Variants in PALLD observed in about 807,000 individuals in gnomAD.
The protein encoded by PALLD is palladin, cytoskeletal associated protein.
Under a neutral mutation model 123.5 loss-of-function variants are expected in PALLD, and 61 were observed. The observed-to-expected ratio is 0.49, with a 90% CI of 0.40 to 0.61. The LOEUF is 0.61. PALLD is among the 20% of genes least tolerant of loss of function. PALLD has a pLI of 0.00. For synonymous variants in PALLD, 465 were observed against 496.4 expected, an observed-to-expected ratio of 0.94 and a Z score of 0.84; for missense variants, 1,273 against 1,377.0, an observed-to-expected ratio of 0.92 and a Z score of 1.20.
At chr4:168,624,748 T>C (rs1775076159) in intron 2 of PALLD, among the ~76,000 whole-genome samples, 1 of 152,120 alleles carries the variant, frequency 6.6e-6, no homozygotes, top group Admixed American at 6.5e-5. Flanking sequence ...ACACAAGGAA[T>C]ACACTGTAAT....
intron 8 of PALLD, among the ~76,000 whole-genome samples, chr4:168,707,240 A>G (rs1275041719): frequency 6.6e-6 from 1 of 152,228 alleles, no homozygotes; most frequent in Non-Finnish European, 1.5e-5. Context: ...TGAGTTAGCT[A>G]CTGCAATACA....
intron 10 of PALLD, among the ~76,000 whole-genome samples, chr4:168,874,649 A>AT (rs5863964): frequency 0.82 from 123,638 of 150,038 alleles, 51,070 homozygotes; most frequent in East Asian, 0.99. Context: ...ATAGCCACAG[A>AT]TTTTTTTTTT....
chr4:168,878,464 C>A, intron 10 of PALLD: 1 of 1,192,722 alleles, frequency 8.4e-7, no homozygotes, highest in Non-Finnish European at 1.1e-6. Context: ...TCCCACATCT[C>A]CATACACGCG....
intron 10 of PALLD, among the ~76,000 whole-genome samples, chr4:168,843,745 TA>T (rs1746391167): frequency 6.6e-6 from 1 of 151,830 alleles, no homozygotes; most frequent in African/African-American, 2.4e-5. Context: ...GCAAGCAGAG[TA>T]AAGAATCCAG....
chr4:168,509,531 T>C (rs1273108343), intron 1 of PALLD, among the ~76,000 whole-genome samples: 2 of 152,226 alleles, frequency 1.3e-5, no homozygotes, highest in African/African-American at 4.8e-5. Flanking sequence ...GAGCCATATC[T>C]GAATAACTGG....
intron 10 of PALLD, among the ~76,000 whole-genome samples, chr4:168,872,075 T>G (rs1275254545): frequency 6.6e-6 from 1 of 152,238 alleles, no homozygotes; most frequent in Admixed American, 6.5e-5. Flanking sequence ...CTCTCATTCC[T>G]ATTCTTCATG....
chr4:168,601,791 C>T (rs1366847125), intron 2 of PALLD, among the ~76,000 whole-genome samples: 1 of 152,108 alleles, frequency 6.6e-6, no homozygotes, highest in Non-Finnish European at 1.5e-5. Context: ...ATTTCAGGGG[C>T]TCCAGGGGCC....
chr4:168,897,427 C>T lies in PALLD; in HGVS notation c.2250+828C>T, dbSNP rs949987617. ...TTTAATATTAAATAGGGAATATTTA[C>T]ATAGACTCCCTTGTCTTCATTGCAC... On this transcript the variant is annotated intron_variant, in intron 13 of 21. Coordinates refer to ENST00000505667, the MANE Select transcript of PALLD (RefSeq NM_001166108.2). 1.1e-4 allele frequency among the ~76,000 whole-genome samples: 17 copies of T among 152,200 alleles called. No individual in the cohort carries two copies. The East Asian group carries it at 3.3e-3, about 29-fold the overall frequency.
chr4:168,750,924 C>T (rs1451029228), intron 10 of PALLD, among the ~76,000 whole-genome samples: 1 of 151,960 alleles, frequency 6.6e-6, no homozygotes, highest in East Asian at 1.9e-4. Context: ...TGGTTGGTAA[C>T]TGAAGGTAAC....
At chr4:168,518,291 C>G (rs1031161376) in intron 2 of PALLD, among the ~76,000 whole-genome samples, 4 of 152,168 alleles carry the variant, frequency 2.6e-5, no homozygotes, top group African/African-American at 9.7e-5. Flanking sequence ...TTTGCATTAC[C>G]TTCCAACCCA....
intron 10 of PALLD, among the ~76,000 whole-genome samples, chr4:168,880,940 T>C (rs1408357465): frequency 6.6e-6 from 1 of 152,202 alleles, no homozygotes; most frequent in African/African-American, 2.4e-5. Flanking sequence ...GACAGTCTTG[T>C]TCTGTTGTCC....
intron 2 of PALLD, among the ~76,000 whole-genome samples, chr4:168,548,234 G>T (rs1205783142): frequency 6.6e-6 from 1 of 151,896 alleles, no homozygotes; most frequent in Non-Finnish European, 1.5e-5. Flanking sequence ...AGTCACCAAT[G>T]AGGTAATATT....
At chr4:168,749,697 T>G (rs990340510) in intron 10 of PALLD, among the ~76,000 whole-genome samples, 1 of 152,010 alleles carries the variant, frequency 6.6e-6, no homozygotes, top group African/African-American at 2.4e-5. Context: ...AGACTGAAAC[T>G]CCATCTCAAT....
intron 10 of PALLD, among the ~76,000 whole-genome samples, chr4:168,722,121 G>A (rs920143452): frequency 1.2e-4 from 18 of 152,254 alleles, no homozygotes; most frequent in African/African-American, 4.3e-4. Context: ...ACAGCTCATT[G>A]CAACCTTGAC....
chr4:168,725,205 T>A (rs1275387728), intron 10 of PALLD, among the ~76,000 whole-genome samples: 2 of 152,200 alleles, frequency 1.3e-5, no homozygotes, highest in East Asian at 3.8e-4. Context: ...AAAGAGTAGG[T>A]GTAGCCATCG....
intron 2 of PALLD, among the ~76,000 whole-genome samples, chr4:168,621,957 C>T (rs576930064): frequency 3.1e-4 from 47 of 152,236 alleles, no homozygotes; most frequent in Non-Finnish European, 5.9e-4. Context: ...TATATGGGCA[C>T]CCTAGGGTTT....
chr4:168,679,762 G>A (rs1781358456), intron 3 of PALLD, among the ~76,000 whole-genome samples: 1 of 151,994 alleles, frequency 6.6e-6, no homozygotes. Flanking sequence ...ACTGAGTAGA[G>A]ATTCTAATCA....
In PALLD at chr4:168,813,856, GC is replaced by G. The variant is rs1243130445; in HGVS notation, c.1965-77065del. 2.8e-3 allele frequency among the ~76,000 whole-genome samples: 292 copies of G among 105,802 alleles called. 1 individual carries two copies. The highest frequency in any genetic ancestry group is 0.014 in the Middle Eastern group (3 of 214). The allele number at this position is 105,802 out of a possible 152,430, so 69.4% of individuals were successfully genotyped here. On this transcript the variant is annotated intron_variant, in intron 10 of 21. Coordinates refer to ENST00000505667, the MANE Select transcript of PALLD (RefSeq NM_001166108.2). ...AAATCATTCATGAAGCTTTGGAAAG[GC>G]TATTATAACCAAATAATGTGTGCAT...
intron 2 of PALLD, among the ~76,000 whole-genome samples, chr4:168,647,298 A>C (rs568254443): frequency 3.9e-5 from 6 of 152,216 alleles, no homozygotes; most frequent in Non-Finnish European, 1.5e-5. Context: ...TAGGCTGACT[A>C]TAAAGACAAC....
Sources: gnomAD v4.1 joint callset for allele counts (sites outside exome capture counted in the v4.1 genomes callset) on GRCh38, gnomAD v4.1.1 for gene constraint, MANE v1.5 for transcripts, NCBI Gene and HGNC (gene_info 2026-07-23, HGNC 2026-07-21) for gene names.